Variants in MARCHF1 observed in about 807,000 individuals in gnomAD.
The protein encoded by MARCHF1 is membrane associated ring-CH-type finger 1, also known as E3 ubiquitin-protein ligase MARCHF1.
A neutral mutation model predicts 54.2 loss-of-function variants in MARCHF1; 40 were observed. That is an observed-to-expected ratio of 0.74 (90% confidence interval 0.57 to 0.96). The LOEUF is 0.96. Ranked by LOEUF, MARCHF1 falls within the 40% of genes least tolerant of loss-of-function variation. The pLI is 0.00. For synonymous variants in MARCHF1, 236 were observed against 236.3 expected (o/e 1.00, Z 0.01); for missense variants, 586 against 656.5 (o/e 0.89, Z 1.17).
intron 1 of MARCHF1, among the ~76,000 whole-genome samples, chr4:164,213,238 T>C (rs984091935): frequency 7.0e-6 from 1 of 143,626 alleles, no homozygotes; most frequent in Non-Finnish European, 1.5e-5. Context: ...TTATTATTAT[T>C]ATTATTATTA....
At chr4:164,030,345 TGAA>T (rs1485757991) in intron 2 of MARCHF1, among the ~76,000 whole-genome samples, 2 of 152,250 alleles carry the variant, frequency 1.3e-5, no homozygotes, top group East Asian at 3.9e-4. Flanking sequence ...CATTCAAAAA[TGAA>T]GAAGCATTTT....
intron 4 of MARCHF1, among the ~76,000 whole-genome samples, chr4:163,703,094 G>C (rs1744854022): frequency 6.6e-6 from 1 of 151,982 alleles, no homozygotes; most frequent in South Asian, 2.1e-4. Flanking sequence ...ATCTGTGTAA[G>C]GAACAAATGA....
chr4:164,025,547 C>T (rs1753748003), intron 2 of MARCHF1, among the ~76,000 whole-genome samples: 1 of 151,818 alleles, frequency 6.6e-6, no homozygotes, highest in Non-Finnish European at 1.5e-5. Flanking sequence ...AAATTGGGGA[C>T]ACAACTTACC....
intron 3 of MARCHF1, among the ~76,000 whole-genome samples, chr4:163,944,816 C>T (rs1751993350): frequency 6.6e-6 from 1 of 152,122 alleles, no homozygotes; most frequent in South Asian, 2.1e-4. Context: ...GCCCCATGTC[C>T]ACAGATATCC....
intron 1 of MARCHF1, among the ~76,000 whole-genome samples, chr4:164,317,126 C>T (rs1735020878): frequency 6.6e-6 from 1 of 152,122 alleles, no homozygotes; most frequent in Admixed American, 6.6e-5. Flanking sequence ...TGAAAAGTGA[C>T]ATAAGTAAAT....
chr4:164,106,737 G>A (rs1210550444), intron 2 of MARCHF1, among the ~76,000 whole-genome samples: 1 of 137,690 alleles, frequency 7.3e-6, no homozygotes, highest in Non-Finnish European at 1.5e-5. Context: ...TGCACAATGT[G>A]CACATGTACC....
intron 1 of MARCHF1, among the ~76,000 whole-genome samples, chr4:164,187,603 C>T (rs535590833): frequency 2.0e-5 from 3 of 152,262 alleles, no homozygotes; most frequent in African/African-American, 7.2e-5. Context: ...TCCTCACTGA[C>T]TGAATCTATG....
chr4:163,665,515 T>C (rs568142696), intron 5 of MARCHF1, among the ~76,000 whole-genome samples: 7 of 152,260 alleles, frequency 4.6e-5, no homozygotes, highest in African/African-American at 1.7e-4. Context: ...AACACTGTAA[T>C]TTACTTTTGT....
At position 163,854,082 on chromosome 4, in the gene MARCHF1, T is replaced by C. The variant is rs1749707020; in HGVS notation, c.50A>G (p.Asn17Ser). Residue 17 changes from asparagine to serine, a missense_variant, in exon 4 of 10, where the codon AAC (asparagine) becomes AGC (serine). Transcript: ENST00000514618. ...AIARNPHRIP[N>S]NTRTPEISGD... ...TGAGATCTCGGGTGTTCGCGTGTTG[T>C]TTGGAATTCTGTGAGGGTTACGGGC... The C allele has an allele frequency of 6.5e-7, 1 of 1,536,960 alleles. No individual in the cohort carries two copies. The highest frequency in any genetic ancestry group is 8.7e-7 in the Non-Finnish European group (1 of 1,146,688).
intron 5 of MARCHF1, among the ~76,000 whole-genome samples, chr4:163,655,619 C>G (rs1375918892): frequency 2.0e-5 from 3 of 151,848 alleles, no homozygotes; most frequent in South Asian, 4.1e-4. Context: ...CTTGGTGTTA[C>G]ATGGAACTTA....
At chr4:164,343,575 G>A (rs1337278392) in intron 1 of MARCHF1, among the ~76,000 whole-genome samples, 4 of 151,936 alleles carry the variant, frequency 2.6e-5, no homozygotes, top group Admixed American at 6.6e-5. Flanking sequence ...GACTTTTCAC[G>A]TCTCCTTTTC....
intron 1 of MARCHF1, among the ~76,000 whole-genome samples, chr4:164,253,271 T>C (rs558081255): frequency 6.6e-6 from 1 of 152,242 alleles, no homozygotes; most frequent in South Asian, 2.1e-4. Flanking sequence ...TAGTTCAACT[T>C]CCACTCAAAA....
intron 5 of MARCHF1, among the ~76,000 whole-genome samples, chr4:163,684,615 A>G (rs552803741): frequency 2.0e-4 from 30 of 152,344 alleles, no homozygotes; most frequent in African/African-American, 6.5e-4. Context: ...TGAAATGACC[A>G]ATATCATGAT....
chr4:163,907,332 CTTG>C (rs1428816010), intron 3 of MARCHF1, among the ~76,000 whole-genome samples: 1 of 151,848 alleles, frequency 6.6e-6, no homozygotes, highest in Non-Finnish European at 1.5e-5. Flanking sequence ...GTAATTTTGT[CTTG>C]TTTGTTTTAA....
At chr4:163,616,265 A>G (rs1741505965) in intron 5 of MARCHF1, among the ~76,000 whole-genome samples, 1 of 152,146 alleles carries the variant, frequency 6.6e-6, no homozygotes, top group Admixed American at 6.5e-5. Flanking sequence ...GCTTGTGCAA[A>G]GGATTGTTTC....
At chr4:164,308,642 T>G (rs1471823750) in intron 1 of MARCHF1, among the ~76,000 whole-genome samples, 2 of 152,044 alleles carry the variant, frequency 1.3e-5, no homozygotes, top group Non-Finnish European at 2.9e-5. Flanking sequence ...TTAAAAACTT[T>G]TAAAAATTAG....
chr4:163,904,807 G>C (rs1171617771), intron 3 of MARCHF1, among the ~76,000 whole-genome samples: 1 of 151,938 alleles, frequency 6.6e-6, no homozygotes, highest in Non-Finnish European at 1.5e-5. Context: ...GAGAGAGAGA[G>C]ACAGAGAGAG....
chr4:164,120,414 C>T lies in MARCHF1; in HGVS notation c.-322-8752G>A, dbSNP rs147782199. 1.4e-3 allele frequency among the ~76,000 whole-genome samples: 218 copies of T among 152,196 alleles called. 6 individuals are homozygous for T. The East Asian group carries it at 0.034, about 24-fold the overall frequency. On this transcript the variant is annotated intron_variant, in intron 1 of 9. Coordinates refer to ENST00000514618, the MANE Select transcript of MARCHF1 (RefSeq NM_001394959.1). ...CAACTTCAACAACCCACTTTCTGCA[C>T]TGACCGGATCTTCCAGGTAGAAAAT... is the stretch of plus-strand genomic sequence containing the variant.
chr4:164,243,554 G>C (rs1579653513), intron 1 of MARCHF1, among the ~76,000 whole-genome samples: 1 of 151,386 alleles, frequency 6.6e-6, no homozygotes. Flanking sequence ...ATCAACTAAC[G>C]AGCAAAATAA....
Sources: gnomAD v4.1 joint callset for allele counts (sites outside exome capture counted in the v4.1 genomes callset) on GRCh38, gnomAD v4.1.1 for gene constraint, MANE v1.5 for transcripts, NCBI Gene and HGNC (gene_info 2026-07-23, HGNC 2026-07-21) for gene names.